Variants in RANBP2 observed in about 807,000 individuals in gnomAD.
The protein encoded by RANBP2 is E3 SUMO-protein ligase RanBP2.
RANBP2 carries 57 observed loss-of-function variants against 303.6 expected under a neutral mutation model. The observed-to-expected ratio is 0.19, with a 90% CI of 0.15 to 0.23. The LOEUF is 0.23. Among genes scored for constraint, RANBP2 ranks in the 10% least tolerant of loss-of-function variants. RANBP2 has a pLI of 1.00. For missense variants in RANBP2, 3,138 were observed against 3,780.8 expected (o/e 0.83, Z 4.46); for synonymous variants, 1,167 against 1,301.5 (o/e 0.90, Z 2.23).
chr2:108,980,651 G>T, the RANBP2 span, among the ~76,000 whole-genome samples: 1 of 152,082 alleles, frequency 6.6e-6, no homozygotes, highest in Non-Finnish European at 1.5e-5. Context: ...GGCCAGGGAG[G>T]GTTTCTCTGA....
chr2:109,648,150 G>A, the RANBP2 span, among the ~76,000 whole-genome samples: 22 of 152,184 alleles, frequency 1.4e-4, no homozygotes, highest in East Asian at 1.9e-4. Flanking sequence ...GATAGTGACC[G>A]CTTGGGTCCT....
At chr2:109,662,446 C>T in the RANBP2 span, among the ~76,000 whole-genome samples, 5 of 152,160 alleles carry the variant, frequency 3.3e-5, no homozygotes, top group South Asian at 1.0e-3. Flanking sequence ...GCCACCATGC[C>T]TGGCTAATTT....
chr2:109,013,983 G>A, the RANBP2 span, among the ~76,000 whole-genome samples: 3 of 152,176 alleles, frequency 2.0e-5, no homozygotes, highest in East Asian at 1.9e-4. Context: ...ATTCTTGAGC[G>A]ACAATGGAGA....
At chr2:109,495,968 G>A in the RANBP2 span, among the ~76,000 whole-genome samples, 2 of 152,286 alleles carry the variant, frequency 1.3e-5, no homozygotes, top group East Asian at 3.9e-4. Context: ...TGGTGGGTTC[G>A]TGGTCTCACT....
chr2:109,390,663 C>T, the RANBP2 span, among the ~76,000 whole-genome samples: 6 of 152,282 alleles, frequency 3.9e-5, no homozygotes, highest in East Asian at 9.6e-4. Context: ...ATTTCTGGTT[C>T]TGCTGGCGAG....
At chr2:109,442,410 A>G in the RANBP2 span, among the ~76,000 whole-genome samples, 1 of 152,170 alleles carries the variant, frequency 6.6e-6, no homozygotes, top group Non-Finnish European at 1.5e-5. Flanking sequence ...GAAGATCTAT[A>G]CAAAGGAATG....
chr2:109,263,802 T>TA, the RANBP2 span, among the ~76,000 whole-genome samples: 1 of 152,012 alleles, frequency 6.6e-6, no homozygotes, highest in East Asian at 1.9e-4. Flanking sequence ...CCGTCTCTAC[T>TA]AAAAAAATAC....
chr2:109,569,427 A>G, the RANBP2 span, among the ~76,000 whole-genome samples: 2 of 144,952 alleles, frequency 1.4e-5, no homozygotes, highest in Non-Finnish European at 3.0e-5. Context: ...AACAAGAGCA[A>G]AACTCTTGTT....
the RANBP2 span, chr2:109,371,515 C>T: frequency 7.6e-7 from 1 of 1,309,198 alleles, no homozygotes; most frequent in East Asian, 2.4e-5. Context: ...CAGTACTAAC[C>T]AGTGTCTTGC....
At chr2:109,373,117 A>G in the RANBP2 span, among the ~76,000 whole-genome samples, 15 of 152,218 alleles carry the variant, frequency 9.9e-5, no homozygotes, top group African/African-American at 2.9e-4. Context: ...AATGGCAGAT[A>G]ATTCACACAC....
At chr2:109,316,847 A>G in the RANBP2 span, among the ~76,000 whole-genome samples, 1 of 152,128 alleles carries the variant, frequency 6.6e-6, no homozygotes, top group Non-Finnish European at 1.5e-5. Context: ...GGGTCTTTGT[A>G]CTGTCGCTGT....
the RANBP2 span, among the ~76,000 whole-genome samples, chr2:109,074,261 G>A: frequency 1.5e-4 from 23 of 150,312 alleles, 1 homozygote; most frequent in African/African-American, 1.2e-4. Context: ...CCAGCTACTC[G>A]GGAGGCTGAA....
chr2:109,608,164 C>G, the RANBP2 span, among the ~76,000 whole-genome samples: 1 of 152,104 alleles, frequency 6.6e-6, no homozygotes, highest in African/African-American at 2.4e-5. Context: ...TAATTCTGGA[C>G]TAATTTAGAG....
rs766080170 is a variant in RANBP2, at chr2:108,766,029, T to C, written c.5490T>C (p.His1830=). 1 of 1,614,170 alleles carries C rather than the reference T, an allele frequency of 6.2e-7. No individual in the cohort carries two copies. The highest frequency in any genetic ancestry group is 1.1e-5 in the South Asian group (1 of 91,088). The stretch of plus-strand genomic sequence containing the variant: ...CACTGGGCTCAGAAATGAAGTTGCA[T>C]GACTCTTCTGGAAGTCAGGTGGGAA... The part of the protein sequence containing the change: ...AFTLGSEMKL[H]DSSGSQVGTG... The change falls in exon 20 of 29, where the codon CAT becomes CAC. Residue 1830 remains histidine (H), a synonymous_variant. Coordinates refer to ENST00000283195, the MANE Select transcript of RANBP2 (RefSeq NM_006267.5).
the RANBP2 span, among the ~76,000 whole-genome samples, chr2:108,853,884 T>TAC: frequency 7.3e-5 from 9 of 123,454 alleles, no homozygotes; most frequent in South Asian, 2.0e-3. Context: ...ATATAATATA[T>TAC]TATATAGTAT....
chr2:108,782,259 A>G lies in RANBP2; in HGVS notation c.8892A>G (p.Thr2964=), dbSNP rs1386878206. ...GAGATATAAAGATTCTTTGGCATACAATGAAGAATTATTACCGGATCCTAA... is the reference window on the plus strand; with the variant it reads ...GAGATATAAAGATTCTTTGGCATACGATGAAGAATTATTACCGGATCCTAA... ...GVGDIKILWH[T]MKNYYRILMR... The change falls in exon 27 of 29, where the codon ACA becomes ACG. Residue 2964 remains threonine (T), a synonymous_variant. Coordinates refer to ENST00000283195, the MANE Select transcript of RANBP2 (RefSeq NM_006267.5). 6.2e-7 allele frequency: 1 copy of G among 1,614,188 alleles called. No individual in the cohort carries two copies. The highest frequency in any genetic ancestry group is 8.5e-7 in the Non-Finnish European group (1 of 1,180,018).
At chr2:108,890,771 G>T in the RANBP2 span, among the ~76,000 whole-genome samples, 2 of 151,956 alleles carry the variant, frequency 1.3e-5, no homozygotes, top group African/African-American at 4.8e-5. Flanking sequence ...CCTTTTCTCT[G>T]TCTCTTTACT....
At chr2:108,918,640 C>T in the RANBP2 span, among the ~76,000 whole-genome samples, 1 of 152,114 alleles carries the variant, frequency 6.6e-6, no homozygotes, top group Non-Finnish European at 1.5e-5. Flanking sequence ...GTGGTGACTC[C>T]GGGGAGGGTC....
At chr2:109,098,034 G>A in the RANBP2 span, among the ~76,000 whole-genome samples, 1 of 152,190 alleles carries the variant, frequency 6.6e-6, no homozygotes, top group Non-Finnish European at 1.5e-5. Context: ...GGCAGGAACA[G>A]GGTGAGGGAG....
Sources: gnomAD v4.1 joint callset for allele counts (sites outside exome capture counted in the v4.1 genomes callset) on GRCh38, gnomAD v4.1.1 for gene constraint, MANE v1.5 for transcripts, NCBI Gene and HGNC (gene_info 2026-07-23, HGNC 2026-07-21) for gene names.